XKR9: variants seen among roughly 807,000 people sequenced by gnomAD.
XKR9 encodes the protein XK related 9, also known as XK-related protein 9.
In XKR9, 32 loss-of-function variants were observed where a neutral mutation model predicts 32.0. That is an observed-to-expected ratio of 1.00 (90% CI 0.76 to 1.34). XKR9 has a LOEUF of 1.34. Ranked by LOEUF, XKR9 falls within the 40% of genes most tolerant of loss-of-function variation. The probability of loss-of-function intolerance (pLI) is 0.00; values close to 1 mark genes in which losing one functional copy is unlikely to be tolerated. For synonymous variants in XKR9, 168 were observed against 143.4 expected (o/e 1.17, Z -1.22); for missense variants, 546 against 429.7 (o/e 1.27, Z -2.39).
chr8:71,002,261 C>T, the XKR9 span, among the ~76,000 whole-genome samples: 13 of 151,286 alleles, frequency 8.6e-5, no homozygotes, highest in Non-Finnish European at 1.3e-4. Context: ...TTGGGGTTGA[C>T]GATAGTCTAT....
chr8:70,789,128 T>A (rs1586899503), intron 2 of XKR9, among the ~76,000 whole-genome samples: 1 of 152,132 alleles, frequency 6.6e-6, no homozygotes, highest in East Asian at 1.9e-4. Flanking sequence ...GCCAATTTCA[T>A]TTACAACAAA....
chr8:70,740,932 A>C (rs565968871), downstream of XKR9, among the ~76,000 whole-genome samples: 5 of 152,182 alleles, frequency 3.3e-5, no homozygotes, highest in Non-Finnish European at 5.9e-5. Context: ...GACCCACTTG[A>C]GGAGGCAGTC....
intron 3 of XKR9, among the ~76,000 whole-genome samples, chr8:70,698,492 GT>G (rs1351826386): frequency 6.6e-6 from 1 of 152,156 alleles, no homozygotes; most frequent in Non-Finnish European, 1.5e-5. Context: ...TAGTTGAGTG[GT>G]TTTGAGTGAG....
the XKR9 span, among the ~76,000 whole-genome samples, chr8:70,846,809 A>G: frequency 1.3e-5 from 2 of 152,070 alleles, no homozygotes; most frequent in East Asian, 1.9e-4. Flanking sequence ...AATTCTAAAT[A>G]TATATGCACT....
chr8:70,772,267 G>A (rs427559), intron 2 of XKR9, among the ~76,000 whole-genome samples: 74 of 152,286 alleles, frequency 4.9e-4, no homozygotes, highest in Non-Finnish European at 9.4e-4. Context: ...CATGTTTGCC[G>A]TCTGTCTGGA....
downstream of XKR9, among the ~76,000 whole-genome samples, chr8:70,739,606 C>A (rs62530854): frequency 8.8e-4 from 133 of 151,758 alleles, no homozygotes; most frequent in Non-Finnish European, 1.6e-3. Flanking sequence ...TGGCTGGTAC[C>A]GGTTGTTCCT....
the XKR9 span, among the ~76,000 whole-genome samples, chr8:70,982,307 C>T: frequency 6.6e-5 from 10 of 152,248 alleles, no homozygotes; most frequent in Non-Finnish European, 7.4e-5. Flanking sequence ...ACCACCAGGT[C>T]GGGGCAGGGA....
At chr8:70,875,971 C>G in the XKR9 span, among the ~76,000 whole-genome samples, 1 of 151,942 alleles carries the variant, frequency 6.6e-6, no homozygotes, top group Non-Finnish European at 1.5e-5. Context: ...TCAGAAAAGC[C>G]AGGCACATAA....
At chr8:70,720,386 A>T (rs1474302613) in intron 4 of XKR9, among the ~76,000 whole-genome samples, 3 of 152,146 alleles carry the variant, frequency 2.0e-5, no homozygotes, top group African/African-American at 7.2e-5. Context: ...TGGTTTTCAA[A>T]GGGAATGCTT....
At chr8:70,800,145 T>C in the XKR9 span, among the ~76,000 whole-genome samples, 1 of 152,226 alleles carries the variant, frequency 6.6e-6, no homozygotes. Context: ...TTAGTTCTGT[T>C]TATGTGATGA....
the XKR9 span, among the ~76,000 whole-genome samples, chr8:70,823,607 C>A: frequency 6.6e-6 from 1 of 152,128 alleles, no homozygotes; most frequent in Non-Finnish European, 1.5e-5. Context: ...CCCATGGTTG[C>A]TAAAAAAGTG....
At chr8:70,929,935 G>A in the XKR9 span, among the ~76,000 whole-genome samples, 6 of 152,156 alleles carry the variant, frequency 3.9e-5, no homozygotes, top group East Asian at 3.8e-4. Flanking sequence ...TGAATAACTA[G>A]GCTGGCAATA....
At chr8:70,891,180 CTTTTT>C in the XKR9 span, among the ~76,000 whole-genome samples, 1 of 149,796 alleles carries the variant, frequency 6.7e-6, no homozygotes, top group Non-Finnish European at 1.5e-5. Flanking sequence ...GGCCTTTTGT[CTTTTT>C]TTTTGTTATT....
intron 4 of XKR9, among the ~76,000 whole-genome samples, chr8:70,725,733 C>G (rs1030590405): frequency 1.3e-5 from 2 of 152,054 alleles, no homozygotes; most frequent in East Asian, 1.9e-4. Flanking sequence ...TTGTGAAACC[C>G]TGTCTCTACT....
At chr8:70,952,815 G>C in the XKR9 span, among the ~76,000 whole-genome samples, 1 of 152,242 alleles carries the variant, frequency 6.6e-6, no homozygotes, top group Non-Finnish European at 1.5e-5. Flanking sequence ...CTCAAGAGCT[G>C]TAGGCACCAC....
chr8:70,851,546 C>T, the XKR9 span, among the ~76,000 whole-genome samples: 1 of 152,146 alleles, frequency 6.6e-6, no homozygotes, highest in Non-Finnish European at 1.5e-5. Context: ...TACAAGACTA[C>T]AGTAACCAAA....
chr8:70,987,139 T>A, the XKR9 span, among the ~76,000 whole-genome samples: 1 of 152,068 alleles, frequency 6.6e-6, no homozygotes, highest in Non-Finnish European at 1.5e-5. Flanking sequence ...AAGATAAGAT[T>A]TGGGTGGGGA....
chr8:71,018,165 A>G, the XKR9 span, among the ~76,000 whole-genome samples: 1 of 152,198 alleles, frequency 6.6e-6, no homozygotes, highest in Non-Finnish European at 1.5e-5. Flanking sequence ...TGCAGACAGC[A>G]TGGGAGTGGA....
intron 2 of XKR9, among the ~76,000 whole-genome samples, chr8:70,779,300 C>G (rs905129939): frequency 3.3e-4 from 50 of 152,096 alleles, no homozygotes; most frequent in Non-Finnish European, 1.5e-4. Context: ...AGGGATGAAG[C>G]CAACTTGTTC....
Sources: allele counts gnomAD v4.1 joint callset (sites outside exome capture counted in the v4.1 genomes callset), GRCh38; gene constraint gnomAD v4.1.1; transcripts MANE v1.5; gene names NCBI Gene and HGNC (gene_info 2026-07-23, HGNC 2026-07-21).